Variants in C4orf36 observed in about 807,000 individuals in gnomAD.
The protein encoded by C4orf36 is uncharacterized protein C4orf36.
Under a neutral mutation model 12.2 loss-of-function variants are expected in C4orf36, and 11 were observed. The ratio of observed to expected loss-of-function variants is 0.90; its 90% CI spans 0.57 to 1.49. The LOEUF is 1.49. Ranked by LOEUF, C4orf36 falls within the 40% of genes most tolerant of loss-of-function variation. The probability of loss-of-function intolerance (pLI) is 0.00; values close to 1 mark genes in which losing one functional copy is unlikely to be tolerated. For missense variants in C4orf36, 137 were observed against 133.9 expected, an observed-to-expected ratio of 1.02 and a Z score of -0.11; for synonymous variants, 54 against 51.3, an observed-to-expected ratio of 1.05 and a Z score of -0.22.
chr4:86,928,845 C>G, the C4orf36 span, among the ~76,000 whole-genome samples: 6 of 152,114 alleles, frequency 3.9e-5, no homozygotes, highest in Non-Finnish European at 8.8e-5. Flanking sequence ...CCCGTTTGAT[C>G]ACACACATTT....
chr4:86,876,339 T>C lies in C4orf36; in HGVS notation c.*107A>G. The C allele has an allele frequency of 5.2e-6, 8 of 1,537,490 alleles. No homozygotes were observed. Among genetic ancestry groups the C allele is most frequent in the Non-Finnish European group, 7.0e-6 (8 of 1,143,942 alleles). ...GAGGTGGGGGCCGGGCCAGGATGGCTGCAGCGCAGCGACGGCCGGGGCCGG... is the reference window on the plus strand; with the variant it reads ...GAGGTGGGGGCCGGGCCAGGATGGCCGCAGCGCAGCGACGGCCGGGGCCGG... On this transcript the variant is annotated 3_prime_UTR_variant, in exon 5 of 5. Transcript: ENST00000295898.
chr4:86,890,097 T>C, intron 2 of C4orf36: 2 of 448,924 alleles, frequency 4.5e-6, no homozygotes, highest in South Asian at 3.1e-5. Flanking sequence ...GAGGCTGAGA[T>C]GGGAGGATCA....
the C4orf36 span, among the ~76,000 whole-genome samples, chr4:86,897,486 A>T: frequency 6.6e-6 from 1 of 152,208 alleles, no homozygotes; most frequent in Non-Finnish European, 1.5e-5. Flanking sequence ...ACCTCCTTTA[A>T]GTTCTCTGGA....
At chr4:86,912,545 T>G in the C4orf36 span, among the ~76,000 whole-genome samples, 6 of 152,208 alleles carry the variant, frequency 3.9e-5, no homozygotes, top group African/African-American at 1.4e-4. Flanking sequence ...GGTCTCCTGA[T>G]AGTCAATGCC....
chr4:86,934,646 C>T, the C4orf36 span: 10 of 152,226 alleles, frequency 6.6e-5, no homozygotes, highest in Admixed American at 6.5e-4. Flanking sequence ...GGCACAGAAT[C>T]TGTTTCAATA....
chr4:86,923,087 C>CTT, the C4orf36 span, among the ~76,000 whole-genome samples: 10 of 134,786 alleles, frequency 7.4e-5, no homozygotes, highest in East Asian at 2.1e-4. Context: ...ATCCAGCTGC[C>CTT]TTTTTTTTTT....
the C4orf36 span, among the ~76,000 whole-genome samples, chr4:86,911,341 G>A: frequency 6.6e-6 from 1 of 152,092 alleles, no homozygotes; most frequent in Non-Finnish European, 1.5e-5. Flanking sequence ...AATCAGATTG[G>A]CATAATTCCT....
At chr4:86,919,491 T>G in the C4orf36 span, among the ~76,000 whole-genome samples, 2 of 151,552 alleles carry the variant, frequency 1.3e-5, no homozygotes, top group African/African-American at 4.9e-5. Context: ...CTTGGCTAAT[T>G]TTTTTGTATT....
Position 86,879,852 on chromosome 4 carries a change from T to G in C4orf36, c.*3-3409A>C, listed in dbSNP as rs1210278634. ...GACTATAAGCAGTTTGTTTTGTTTC[T>G]TTTTTTTTTTTTTTTTGAGATAGGA... On this transcript the variant is annotated intron_variant, in intron 4 of 4. Transcript: ENST00000295898. 0.029 allele frequency among the ~76,000 whole-genome samples: 11 copies of G among 376 alleles called. No individual in the cohort carries two copies. The East Asian group carries it at 0.5, about 17-fold the overall frequency. The allele number at this position is 376 out of a possible 152,430, so 0.2% of individuals were successfully genotyped here.
chr4:86,916,293 C>T, the C4orf36 span, among the ~76,000 whole-genome samples: 2 of 149,124 alleles, frequency 1.3e-5, no homozygotes, highest in Admixed American at 6.8e-5. Flanking sequence ...TATGTGAATG[C>T]TCATCAAGGG....
the C4orf36 span, among the ~76,000 whole-genome samples, chr4:86,902,042 T>C: frequency 1.3e-5 from 2 of 152,088 alleles, no homozygotes. Flanking sequence ...AAGAACACCA[T>C]GTGACCATAG....
At chr4:86,920,250 A>T in the C4orf36 span, among the ~76,000 whole-genome samples, 58 of 152,070 alleles carry the variant, frequency 3.8e-4, no homozygotes, top group Non-Finnish European at 7.5e-4. Context: ...CCAATATTCT[A>T]ATCATGGTCA....
the C4orf36 span, chr4:86,934,976 G>A: frequency 6.6e-6 from 1 of 151,932 alleles, no homozygotes; most frequent in Non-Finnish European, 1.5e-5. Context: ...GCGTGGCCTC[G>A]GGGCGTCCCG....
the C4orf36 span, chr4:86,913,687 C>T: frequency 1.2e-6 from 2 of 1,604,156 alleles, no homozygotes; most frequent in Admixed American, 1.7e-5. Context: ...TTGTGGCTGA[C>T]CCAGGCCAGG....
chr4:86,929,219 T>G, the C4orf36 span, among the ~76,000 whole-genome samples: 4 of 152,354 alleles, frequency 2.6e-5, no homozygotes, highest in East Asian at 1.9e-4. Flanking sequence ...CTGGGTCCTC[T>G]GCTCGGGATC....
At chr4:86,921,674 A>G in the C4orf36 span, among the ~76,000 whole-genome samples, 7 of 152,356 alleles carry the variant, frequency 4.6e-5, no homozygotes, top group Admixed American at 2.6e-4. Context: ...ATAGTAAAAT[A>G]TGCATAATGT....
At chr4:86,905,723 T>C in the C4orf36 span, among the ~76,000 whole-genome samples, 4 of 151,402 alleles carry the variant, frequency 2.6e-5, no homozygotes, top group Non-Finnish European at 4.4e-5. Context: ...TTTTTTTTTT[T>C]TTCTTTTTTT....
the C4orf36 span, chr4:86,936,052 G>A: frequency 6.6e-6 from 1 of 152,142 alleles, no homozygotes; most frequent in Non-Finnish European, 1.5e-5. Flanking sequence ...GATACCGTCC[G>A]GCTAGTTTTC....
At chr4:86,881,825 T>C (rs2149419997) in intron 4 of C4orf36, among the ~76,000 whole-genome samples, 1 of 152,202 alleles carries the variant, frequency 6.6e-6, no homozygotes, top group East Asian at 1.9e-4. Flanking sequence ...TACAGGCGCA[T>C]GCCACCATGC....
Sources: gnomAD v4.1 joint callset for allele counts (sites outside exome capture counted in the v4.1 genomes callset) on GRCh38, gnomAD v4.1.1 for gene constraint, MANE v1.5 for transcripts, NCBI Gene and HGNC (gene_info 2026-07-23, HGNC 2026-07-21) for gene names.